The following PXDNL variants were observed in gnomAD, a reference collection of about 807,000 sequenced individuals.
The protein encoded by PXDNL is peroxidasin like.
In PXDNL, 145 loss-of-function variants were observed where a neutral mutation model predicts 150.8. The observed-to-expected ratio is 0.96, with a 90% CI of 0.84 to 1.10. The LOEUF is 1.10. Among genes scored for constraint, PXDNL ranks in the 50% least tolerant of loss-of-function variants. The pLI, the probability that PXDNL is intolerant of heterozygous loss-of-function variation, is 0.00. For missense variants in PXDNL, 2,087 were observed against 1,873.9 expected (o/e 1.11, Z -2.10); for synonymous variants, 757 against 725.7 (o/e 1.04, Z -0.69).
At chr8:51,660,339 C>A (rs768758305) in intron 1 of PXDNL, among the ~76,000 whole-genome samples, 4 of 152,160 alleles carry the variant, frequency 2.6e-5, no homozygotes, top group Non-Finnish European at 4.4e-5. Context: ...TGAACTTGAG[C>A]CCCTTCCTGA....
At chr8:51,658,171 A>G (rs898836967) in intron 1 of PXDNL, among the ~76,000 whole-genome samples, 2 of 151,858 alleles carry the variant, frequency 1.3e-5, no homozygotes, top group African/African-American at 2.4e-5. Flanking sequence ...GACAAGACCC[A>G]TCTCTACAAA....
chr8:51,500,254 A>G (rs1811153774), intron 4 of PXDNL, among the ~76,000 whole-genome samples: 1 of 152,214 alleles, frequency 6.6e-6, no homozygotes, highest in Admixed American at 6.5e-5. Flanking sequence ...AAATGAATTA[A>G]TCTTAACCCT....
Position 51,350,597 on chromosome 8 carries a change from C to T in PXDNL, c.3902-4650G>A, listed in dbSNP as rs527251992. Among the ~76,000 whole-genome samples the T allele has an allele frequency of 7.9e-5, 12 of 151,992 alleles. No homozygotes were observed. The South Asian group carries it at 1.0e-3, about 13-fold the overall frequency. On this transcript the variant is annotated intron_variant, in intron 19 of 22. Transcript: ENST00000356297. Reference sequence around the variant, plus strand: ...CTCGAGCTCCTGACCTCAGGTGATCCGCCCACCTCGGCCTCCCAAAGTGCT... The same window carrying T: ...CTCGAGCTCCTGACCTCAGGTGATCTGCCCACCTCGGCCTCCCAAAGTGCT...
chr8:51,404,811 G>A lies in PXDNL; in HGVS notation c.3557+3256C>T, dbSNP rs562089890. On this transcript the variant is annotated intron_variant, in intron 17 of 22. Coordinates refer to ENST00000356297, the MANE Select transcript of PXDNL (RefSeq NM_144651.5). ...AGGCAGAGCTGCCCACCAGTCCCAC[G>A]CAGTGCGCCGGCACTCCTCAGCCCT... Among the ~76,000 whole-genome samples the A allele has an allele frequency of 8.5e-5, 13 of 152,344 alleles. 1 individual carries two copies. The South Asian group carries it at 2.3e-3, about 27-fold the overall frequency.
chr8:51,686,572 A>T (rs1311235487), intron 1 of PXDNL, among the ~76,000 whole-genome samples: 1 of 152,240 alleles, frequency 6.6e-6, no homozygotes, highest in Non-Finnish European at 1.5e-5. Context: ...CCTGGAGACA[A>T]CAGTAGTTTT....
At chr8:51,661,210 C>G (rs1302898185) in intron 1 of PXDNL, among the ~76,000 whole-genome samples, 1 of 152,082 alleles carries the variant, frequency 6.6e-6, no homozygotes, top group African/African-American at 2.4e-5. Context: ...CTGAGGAAGG[C>G]TCCTGAATTT....
At position 51,457,628 on chromosome 8, in the gene PXDNL, C is replaced by A. The variant is rs1036623543; in HGVS notation, c.852G>T (p.Val284=). 1 of 1,613,756 alleles carries A rather than the reference C, an allele frequency of 6.2e-7. No homozygotes were observed. The highest frequency in any genetic ancestry group is 8.5e-7 in the Non-Finnish European group (1 of 1,179,798). Residue 284 remains valine (V), a synonymous_variant, in exon 9 of 23, where the codon GTG becomes GTT. Transcript: ENST00000356297. ...LDLEDDTRLN[V]FDDGTLMIRN... ...GGATCATGAGTGTGCCATCATCAAA[C>A]ACATTAAGTCGAGTATCATCTTCCA...
At chr8:51,633,891 T>C (rs914613785) in intron 2 of PXDNL, among the ~76,000 whole-genome samples, 2 of 152,178 alleles carry the variant, frequency 1.3e-5, no homozygotes, top group African/African-American at 2.4e-5. Flanking sequence ...TAGACTGTTA[T>C]TGGATGCACA....
At position 51,745,969 on chromosome 8, in the gene PXDNL, G is replaced by T. The variant is rs185284451; in HGVS notation, c.164+63212C>A. On this transcript the variant is annotated intron_variant, in intron 1 of 22. Transcript: ENST00000356297. The stretch of plus-strand genomic sequence containing the variant: ...AGAGAGGGTTTCACCATGTTGACCA[G>T]GCTGGTCTTGAATTCCTGACCTCAG... Among the ~76,000 whole-genome samples, 298 of 152,202 alleles carry T rather than the reference G, an allele frequency of 2.0e-3. 2 individuals are homozygous for T. Among genetic ancestry groups the T allele is most frequent in the African/African-American group, 6.9e-3 (288 of 41,542 alleles).
chr8:51,524,385 G>A (rs1307174269), intron 4 of PXDNL, among the ~76,000 whole-genome samples: 1 of 152,138 alleles, frequency 6.6e-6, no homozygotes, highest in African/African-American at 2.4e-5. Flanking sequence ...TTTTATGGCT[G>A]GCATGTCATT....
At chr8:51,501,483 AAC>A (rs144779120) in intron 4 of PXDNL, among the ~76,000 whole-genome samples, 18,730 of 151,360 alleles carry the variant, frequency 0.12, 1,450 homozygotes, top group African/African-American at 0.21. Context: ...CACTTACACT[AAC>A]ACACACACGG....
At position 51,371,922 on chromosome 8, in the gene PXDNL, GC is replaced by G; in HGVS notation, c.3851del (p.Cys1284SerfsTer28). ...KAEYPQDYLNCSEIPKVDLRV... is the reference protein window; with the variant it reads ...KAEYPQDYLNXSEIPKVDLRV... ...GCAGGTCCACCTTCGGGATCTCGCT[GC>G]AGTTCAGGTAATCCTGTGGGTATTC... On this transcript the variant is annotated frameshift_variant, in exon 19 of 23. Coordinates refer to ENST00000356297, the MANE Select transcript of PXDNL (RefSeq NM_144651.5). LOFTEE classifies it high-confidence loss of function. 1 of 1,613,966 alleles carries G rather than the reference GC, an allele frequency of 6.2e-7. No individual in the cohort carries two copies. Among genetic ancestry groups the G allele is most frequent in the South Asian group, 1.1e-5 (1 of 91,072 alleles).
intron 19 of PXDNL, among the ~76,000 whole-genome samples, chr8:51,353,249 T>C (rs1350744970): frequency 6.6e-6 from 1 of 151,232 alleles, no homozygotes; most frequent in South Asian, 2.1e-4. Context: ...TCCTTTATTT[T>C]TTAAGCCAGC....
At chr8:51,486,282 T>C (rs1366258639) in intron 5 of PXDNL, among the ~76,000 whole-genome samples, 1 of 152,130 alleles carries the variant, frequency 6.6e-6, no homozygotes, top group African/African-American at 2.4e-5. Flanking sequence ...TATTGAAAAA[T>C]CATTCTTGAA....
chr8:51,341,409 A>AT (rs1284733556), intron 20 of PXDNL, among the ~76,000 whole-genome samples: 1 of 151,202 alleles, frequency 6.6e-6, no homozygotes, highest in Admixed American at 6.6e-5. Flanking sequence ...AAATTTCCTT[A>AT]TTTTTTTTCA....
intron 1 of PXDNL, among the ~76,000 whole-genome samples, chr8:51,688,716 G>A (rs1221768901): frequency 6.6e-6 from 1 of 152,160 alleles, no homozygotes; most frequent in Non-Finnish European, 1.5e-5. Flanking sequence ...ACTCTTTAAG[G>A]AGAAATCAAG....
chr8:51,741,247 G>A (rs915144294), intron 1 of PXDNL, among the ~76,000 whole-genome samples: 5 of 152,106 alleles, frequency 3.3e-5, no homozygotes, highest in Admixed American at 6.6e-5. Context: ...ATTTTTTCTA[G>A]ATTTGCTAGT....
In PXDNL at chr8:51,727,500, G is replaced by A. The variant is rs369819154; in HGVS notation, c.165-72740C>T. ...TCTACTGTTGCAGGATCACTTAGAAGAATACAAAACCCAAAAATTTACTTT... is the reference window on the plus strand; with the variant it reads ...TCTACTGTTGCAGGATCACTTAGAAAAATACAAAACCCAAAAATTTACTTT... On this transcript the variant is annotated intron_variant, in intron 1 of 22. Transcript: ENST00000356297. Among the ~76,000 whole-genome samples, 6 of 152,150 alleles carry A rather than the reference G, an allele frequency of 3.9e-5. No individual in the cohort carries two copies. In the East Asian group the frequency reaches 9.6e-4, roughly 24 times the overall value.
At chr8:51,384,813 T>G (rs1390792191) in intron 17 of PXDNL, among the ~76,000 whole-genome samples, 1 of 152,158 alleles carries the variant, frequency 6.6e-6, no homozygotes, top group Non-Finnish European at 1.5e-5. Context: ...AATGTGATAG[T>G]CATCAAATTT....
Sources: gnomAD v4.1 joint callset for allele counts (sites outside exome capture counted in the v4.1 genomes callset) on GRCh38, gnomAD v4.1.1 for gene constraint, MANE v1.5 for transcripts, NCBI Gene and HGNC (gene_info 2026-07-23, HGNC 2026-07-21) for gene names.